FRMPD2: variants seen among roughly 807,000 people sequenced by gnomAD.
FRMPD2 encodes the protein FERM and PDZ domain-containing protein 2.
In FRMPD2, 96 loss-of-function variants were observed where a neutral mutation model predicts 140.1. The ratio of observed to expected loss-of-function variants is 0.69; its 90% CI spans 0.58 to 0.81. The LOEUF is 0.81. FRMPD2 is among the 40% of genes least tolerant of loss of function. The pLI, the probability that FRMPD2 is intolerant of heterozygous loss-of-function variation, is 0.00. For missense variants in FRMPD2, 1,240 were observed against 1,447.4 expected, an observed-to-expected ratio of 0.86 and a Z score of 2.32; for synonymous variants, 449 against 547.6, an observed-to-expected ratio of 0.82 and a Z score of 2.52.
intron 16 of FRMPD2, among the ~76,000 whole-genome samples, chr10:48,191,329 A>C (rs1838826202): frequency 6.6e-6 from 1 of 152,170 alleles, no homozygotes; most frequent in African/African-American, 2.4e-5. Flanking sequence ...ACCCCAGACA[A>C]TACCACATGA....
At chr10:48,211,402 C>T (rs1269724910) in intron 13 of FRMPD2, among the ~76,000 whole-genome samples, 1 of 152,230 alleles carries the variant, frequency 6.6e-6, no homozygotes, top group Non-Finnish European at 1.5e-5. Context: ...TTCTCTGGCT[C>T]AAGCGCTGAT....
chr10:48,204,806 G>A (rs1350806779), intron 14 of FRMPD2, among the ~76,000 whole-genome samples: 2 of 152,170 alleles, frequency 1.3e-5, no homozygotes, highest in Non-Finnish European at 2.9e-5. Context: ...TCTCTTCAGA[G>A]ATTTAACTAG....
intron 15 of FRMPD2, among the ~76,000 whole-genome samples, chr10:48,198,217 G>C (rs550383241): frequency 6.6e-6 from 1 of 152,048 alleles, no homozygotes; most frequent in Non-Finnish European, 1.5e-5. Context: ...GAAAACAGTC[G>C]TGCCTGCATG....
intron 1 of FRMPD2, among the ~76,000 whole-genome samples, chr10:48,269,896 A>G (rs928945494): frequency 8.6e-5 from 13 of 151,886 alleles, no homozygotes; most frequent in South Asian, 2.1e-4. Flanking sequence ...CAGGGAGAGG[A>G]CTCTGGTCTC....
intron 4 of FRMPD2, among the ~76,000 whole-genome samples, chr10:48,243,262 T>C (rs780649501): frequency 2.6e-5 from 4 of 152,160 alleles, no homozygotes; most frequent in Non-Finnish European, 5.9e-5. Context: ...ACTTTCACCT[T>C]GGGAAGCACA....
chr10:48,201,503 G>A (rs1839086994), intron 14 of FRMPD2, 119 bp from the exon 15 acceptor site: 1 of 752,540 alleles, frequency 1.3e-6, no homozygotes, highest in Admixed American at 2.5e-5. Flanking sequence ...ATCCACGGGT[G>A]CATGGCAGAT....
chr10:48,269,603 G>C (rs767229114), intron 1 of FRMPD2, among the ~76,000 whole-genome samples: 32 of 152,186 alleles, frequency 2.1e-4, no homozygotes, highest in South Asian at 4.1e-4. Flanking sequence ...GGGCCAGGCC[G>C]TCCGTGGGTT....
At position 48,257,499 on chromosome 10, in the gene FRMPD2, C is replaced by CT. The variant is rs532220320; in HGVS notation, c.26-5809dup. Among the ~76,000 whole-genome samples, 33 of 152,212 alleles carry CT rather than the reference C, an allele frequency of 2.2e-4. No homozygotes were observed. In the East Asian group the frequency reaches 5.4e-3, roughly 25 times the overall value. Reference sequence around the variant, plus strand: ...TTCGCCATGTTGGCCAGGCTAGTCTCTAACTCCTCACCTCAAGTGATCCGC... The same window carrying CT: ...TTCGCCATGTTGGCCAGGCTAGTCTCTTAACTCCTCACCTCAAGTGATCCGC... On this transcript the variant is annotated intron_variant, in intron 1 of 28. Coordinates refer to ENST00000374201, the MANE Select transcript of FRMPD2 (RefSeq NM_001018071.4).
intron 12 of FRMPD2, among the ~76,000 whole-genome samples, chr10:48,217,150 TTC>T (rs1355381214): frequency 6.6e-6 from 1 of 152,206 alleles, no homozygotes; most frequent in Non-Finnish European, 1.5e-5. Context: ...GCTGCTGATG[TTC>T]TGATGGATTA....
intron 10 of FRMPD2, among the ~76,000 whole-genome samples, chr10:48,225,822 T>G (rs1839709347): frequency 6.6e-6 from 1 of 152,202 alleles, no homozygotes. Context: ...GAATCATCTT[T>G]CTGCTGGTGC....
At chr10:48,223,850 C>T (rs910513251) in intron 10 of FRMPD2, among the ~76,000 whole-genome samples, 16 of 152,204 alleles carry the variant, frequency 1.1e-4, no homozygotes, top group African/African-American at 3.9e-4. Flanking sequence ...GACACCAGAG[C>T]TTCCTCTCTC....
At chr10:48,203,854 C>T (rs1345099706) in intron 14 of FRMPD2, among the ~76,000 whole-genome samples, 1 of 152,186 alleles carries the variant, frequency 6.6e-6, no homozygotes, top group Non-Finnish European at 1.5e-5. Flanking sequence ...ACTCTTTCTA[C>T]TCAGACACAC....
At chr10:48,263,926 T>C (rs111845912) in intron 1 of FRMPD2, among the ~76,000 whole-genome samples, 1 of 152,278 alleles carries the variant, frequency 6.6e-6, no homozygotes, top group African/African-American at 2.4e-5. Context: ...TCCAACAATG[T>C]ATAAATATAA....
At chr10:48,207,354 G>A (rs1030688929) in intron 13 of FRMPD2, among the ~76,000 whole-genome samples, 7 of 151,940 alleles carry the variant, frequency 4.6e-5, no homozygotes, top group Non-Finnish European at 1.0e-4. Context: ...ATCCCTTTAC[G>A]TGACAGATAG....
chr10:48,200,151 T>TATAA (rs201958134), intron 15 of FRMPD2, among the ~76,000 whole-genome samples: 15,697 of 135,450 alleles, frequency 0.12, 915 homozygotes, highest in Non-Finnish European at 0.14. Flanking sequence ...AGCTAAAAAA[T>TATAA]ATAAATAAAT....
chr10:48,195,057 C>A (rs546681557), intron 15 of FRMPD2, among the ~76,000 whole-genome samples: 2 of 152,298 alleles, frequency 1.3e-5, no homozygotes, highest in African/African-American at 4.8e-5. Flanking sequence ...AGGGCAAAGT[C>A]CAAGTCACTT....
rs1840081930 is a variant in FRMPD2 at position 48,240,495 on chromosome 10, G to C, written c.568-3C>G. On this transcript the variant is annotated splice_polypyrimidine_tract_variant and splice_region_variant and intron_variant, in intron 5 of 28. Transcript: ENST00000374201. ...TCCTCCACAACTCTTTTCTCCACCT[G>C]GGGGTCAAGTGCATCACACATCCAC... The C allele has an allele frequency of 7.4e-6, 12 of 1,613,622 alleles. No homozygotes were observed. The East Asian group carries it at 2.5e-4, about 33-fold the overall frequency.
intron 12 of FRMPD2, among the ~76,000 whole-genome samples, chr10:48,215,721 G>A (rs898789108): frequency 1.3e-5 from 2 of 152,190 alleles, no homozygotes; most frequent in Admixed American, 6.5e-5. Flanking sequence ...AGGATCTGGG[G>A]ATGGGGAAGC....
At chr10:48,206,646 TCA>T in intron 14 of FRMPD2, 100 bp downstream of exon 14, 1 of 848,644 alleles carries the variant, frequency 1.2e-6, no homozygotes, top group South Asian at 1.7e-5. Flanking sequence ...GAATGTTTGG[TCA>T]GGAGAAAGCC....
Sources: allele counts gnomAD v4.1 joint callset (sites outside exome capture counted in the v4.1 genomes callset), GRCh38; gene constraint gnomAD v4.1.1; transcripts MANE v1.5; gene names NCBI Gene and HGNC (gene_info 2026-07-23, HGNC 2026-07-21).